The following IWS1 variants were observed in gnomAD, a reference collection of about 807,000 sequenced individuals.
IWS1 encodes interacts with SUPT6H, CTD assembly factor 1, also known as protein IWS1 homolog.
IWS1 carries 27 observed loss-of-function variants against 86.7 expected under a neutral mutation model. The ratio of observed to expected loss-of-function variants is 0.31; its 90% CI spans 0.23 to 0.43. IWS1 has a LOEUF of 0.43. Ranked by LOEUF, IWS1 falls within the 20% of genes least tolerant of loss-of-function variation. IWS1 has a pLI of 1.00. For synonymous variants in IWS1, 313 were observed against 335.1 expected, an observed-to-expected ratio of 0.93 and a Z score of 0.72; for missense variants, 827 against 1,000.8, an observed-to-expected ratio of 0.83 and a Z score of 2.34.
At chr2:127,487,469 AAG>A (rs1689987224) in intron 12 of IWS1, among the ~76,000 whole-genome samples, 1 of 152,336 alleles carries the variant, frequency 6.6e-6, no homozygotes, top group Non-Finnish European at 1.5e-5. Flanking sequence ...GTAACTAGTA[AAG>A]AGTGGATCTA....
intron 2 of IWS1, among the ~76,000 whole-genome samples, chr2:127,518,042 G>A (rs1467992023): frequency 2.0e-5 from 3 of 152,190 alleles, no homozygotes; most frequent in Non-Finnish European, 4.4e-5. Flanking sequence ...ATCAGTGGTT[G>A]CTGAGGACTG....
chr2:127,510,748 A>G (rs576872515), intron 2 of IWS1, among the ~76,000 whole-genome samples: 2 of 152,080 alleles, frequency 1.3e-5, no homozygotes, highest in South Asian at 4.2e-4. Context: ...TGGCCTCCCA[A>G]CCAAGTTTAA....
rs151146769 is a variant in IWS1 at position 127,481,095 on chromosome 2, T to A, written c.2409A>T (p.Arg803Ser). The change falls in exon 14 of 14, where the codon AGA becomes AGT. Residue 803 changes from arginine to serine, a missense_variant. By Grantham distance (110) the Arg-to-Ser change is moderately radical. Around this residue, in one of 2 missense-constraint regions of IWS1, gnomAD observed 279 missense variants for 440.6 expected, o/e 0.63. Transcript: ENST00000295321. The part of the protein sequence containing the change: ...RKFTDIRKKS[R>S]SAHAVKISIE... ...TGCTGATTTTCACTGCGTGTGCAGA[T>A]CTGCTTTTTTTCCTTATATCTGTGA... is the stretch of plus-strand genomic sequence containing the variant. The A allele has an allele frequency of 3.1e-6, 5 of 1,612,942 alleles. No individual in the cohort carries two copies. The African/African-American group carries it at 6.7e-5, about 22-fold the overall frequency.
At chr2:127,493,255 G>C in intron 9 of IWS1, 26 bp downstream of exon 9, 1 of 1,595,232 alleles carries the variant, frequency 6.3e-7, no homozygotes, top group Non-Finnish European at 8.5e-7. Context: ...AATTAATAAA[G>C]AACAGTCAGA....
chr2:127,526,090 T>C (rs939301242), intron 1 of IWS1, 85 bp downstream of exon 1: 7 of 1,371,236 alleles, frequency 5.1e-6, no homozygotes, highest in Middle Eastern at 2.1e-4. Flanking sequence ...GGGGGCCTCC[T>C]TGCCCCCACC....
At chr2:127,503,629 AC>A in intron 3 of IWS1, 53 bp from the exon 4 acceptor site, 1 of 1,290,382 alleles carries the variant, frequency 7.7e-7, no homozygotes, top group Non-Finnish European at 1.0e-6. Context: ...CCATTGTATT[AC>A]TAAGCATAAC....
chr2:127,495,244 T>C (rs1573519716), intron 7 of IWS1, among the ~76,000 whole-genome samples: 1 of 152,152 alleles, frequency 6.6e-6, no homozygotes, highest in East Asian at 1.9e-4. Context: ...TCATTAAAGG[T>C]ACAAATTAAA....
At chr2:127,502,654 C>T (rs1051302700) in intron 5 of IWS1, 161 bp downstream of exon 5, 11 of 455,452 alleles carry the variant, frequency 2.4e-5, no homozygotes, top group South Asian at 7.9e-5. Flanking sequence ...TTTGTATATA[C>T]GCTTTCATTT....
intron 2 of IWS1, among the ~76,000 whole-genome samples, chr2:127,517,664 G>A (rs1262286111): frequency 6.6e-6 from 1 of 152,154 alleles, no homozygotes; most frequent in Non-Finnish European, 1.5e-5. Context: ...AAATAGTCTG[G>A]CAGTTCCTCA....
intron 5 of IWS1, among the ~76,000 whole-genome samples, chr2:127,501,013 G>A (rs1430041110): frequency 6.6e-6 from 1 of 152,110 alleles, no homozygotes; most frequent in Non-Finnish European, 1.5e-5. Flanking sequence ...CTGCTGTCAT[G>A]TTTTAATTTT....
chr2:127,495,910 G>C, intron 7 of IWS1, 88 bp downstream of exon 7: 1 of 1,123,448 alleles, frequency 8.9e-7, no homozygotes, highest in Non-Finnish European at 1.2e-6. Flanking sequence ...CATCTTAATT[G>C]TAGTTTAAGG....
At chr2:127,491,685 C>T (rs920700499) in intron 10 of IWS1, among the ~76,000 whole-genome samples, 1 of 152,048 alleles carries the variant, frequency 6.6e-6, no homozygotes, top group African/African-American at 2.4e-5. Context: ...CCTTGTGATC[C>T]GCCCACCTAA....
chr2:127,491,361 A>G (rs1017192071), intron 10 of IWS1, among the ~76,000 whole-genome samples: 7 of 152,244 alleles, frequency 4.6e-5, no homozygotes, highest in Non-Finnish European at 1.0e-4. Context: ...AACCCAGGTA[A>G]TATCAACTCC....
At chr2:127,518,562 CTTT>C (rs747745807) in intron 2 of IWS1, among the ~76,000 whole-genome samples, 7 of 116,832 alleles carry the variant, frequency 6.0e-5, no homozygotes, top group Admixed American at 8.8e-5. Flanking sequence ...ACAGGCGATT[CTTT>C]TTTTTTTTTT....
In IWS1 at chr2:127,505,248, G is replaced by A. The variant is rs769600735; in HGVS notation, c.655C>T (p.Pro219Ser). 5 of 1,613,950 alleles carry A rather than the reference G, an allele frequency of 3.1e-6. No homozygotes were observed. Among genetic ancestry groups the A allele is most frequent in the Non-Finnish European group, 2.5e-6 (3 of 1,179,950 alleles). The stretch of plus-strand genomic sequence containing the variant: ...TCACTTTCTGAATCACTGACCTGAG[G>A]TTTAGGAAGCTCCTCACTTTCAGAA... Reference protein sequence around the residue: ...SDSESEELPKPQVSDSESEEP... With the variant: ...SDSESEELPKSQVSDSESEEP... The change falls in exon 3 of 14, where the codon CCT (proline) becomes TCT (serine). Residue 219 changes from proline (P) to serine (S), a missense_variant. Pro to Ser is a moderately conservative substitution (Grantham distance 74). Transcript: ENST00000295321. This position sits in a 1 kb window ranked among gnomAD's most constrained non-coding sequence, Gnocchi z 5.0.
chr2:127,494,245 TAAA>T (rs11327472), intron 8 of IWS1, among the ~76,000 whole-genome samples: 1,721 of 94,066 alleles, frequency 0.018, 39 homozygotes, highest in African/African-American at 0.065. Context: ...TGTCTCTAAT[TAAA>T]AAAAAAAAAA....
intron 2 of IWS1, among the ~76,000 whole-genome samples, chr2:127,508,404 T>G (rs1357173163): frequency 1.3e-5 from 2 of 152,140 alleles, no homozygotes; most frequent in Non-Finnish European, 2.9e-5. Context: ...TTGTGATGGC[T>G]GAGTTAAGAC....
chr2:127,507,994 T>C (rs1691234877), intron 2 of IWS1, among the ~76,000 whole-genome samples: 1 of 152,230 alleles, frequency 6.6e-6, no homozygotes, highest in South Asian at 2.1e-4. Context: ...TAGCTCACTC[T>C]GTATAAGTAA....
chr2:127,482,647 C>G (rs1437137379), intron 13 of IWS1: 2 of 152,382 alleles, frequency 1.3e-5, no homozygotes, highest in Non-Finnish European at 2.9e-5. Context: ...CTCCCAGGAC[C>G]CTCACTAACT....
Sources: gnomAD v4.1 joint callset for allele counts (sites outside exome capture counted in the v4.1 genomes callset) on GRCh38, gnomAD v4.1.1 for gene constraint, gnomAD v4.1.1 regional missense constraint, Gnocchi (gnomAD v3.1) non-coding constraint, MANE v1.5 for transcripts, NCBI Gene and HGNC (gene_info 2026-07-23, HGNC 2026-07-21) for gene names.